The following SLC22A23 variants were observed in gnomAD, a reference collection of about 807,000 sequenced individuals.
SLC22A23 encodes solute carrier family 22 member 23, also known as ion transporter protein.
SLC22A23 carries 26 observed loss-of-function variants against 61.0 expected under a neutral mutation model. The ratio of observed to expected loss-of-function variants is 0.43; its 90% CI spans 0.31 to 0.59. The LOEUF (loss-of-function observed/expected upper bound fraction) is 0.59. Among genes scored for constraint, SLC22A23 ranks in the 20% least tolerant of loss-of-function variants. The probability of loss-of-function intolerance (pLI) is 0.11; values close to 1 mark genes in which losing one functional copy is unlikely to be tolerated. For missense variants in SLC22A23, 796 were observed against 934.7 expected (o/e 0.85, Z 1.94); for synonymous variants, 430 against 413.9 (o/e 1.04, Z -0.47).
At chr6:3,302,900 C>T (rs1399517811) in intron 4 of SLC22A23, 2 of 152,126 alleles carry the variant, frequency 1.3e-5, no homozygotes, top group Non-Finnish European at 2.9e-5. Flanking sequence ...GCAAAGGAAA[C>T]AATCAACAGA....
At position 3,270,726 on chromosome 6, in the gene SLC22A23, T is replaced by A. The variant is rs998887677; in HGVS notation, c.*2329A>T. On this transcript the variant is annotated 3_prime_UTR_variant, in exon 10 of 10. Transcript: ENST00000406686. ...CAGTGTCTTCGTTGGACCAGTTTTT[T>A]ATTGTCATTTGAGGTGGAGATCAGA... is the stretch of plus-strand genomic sequence containing the variant. 6.6e-6 allele frequency: 1 copy of A among 152,392 alleles called. No individual in the cohort carries two copies. The highest frequency in any genetic ancestry group is 1.5e-5 in the Non-Finnish European group (1 of 68,058). 9.4% of individuals were successfully genotyped at this position (152,392 alleles called of 1,614,324 possible).
Position 3,395,729 on chromosome 6 carries a change from C to T in SLC22A23, c.913+14459G>A, listed in dbSNP as rs138783048. Reference sequence around the variant, plus strand: ...ATGGCAAAATTACGCAAAAAGGCAACATGTATACTGGCATTACTCAAGTCA... The same window carrying T: ...ATGGCAAAATTACGCAAAAAGGCAATATGTATACTGGCATTACTCAAGTCA... On this transcript the variant is annotated intron_variant, in intron 3 of 9. Coordinates refer to ENST00000406686, the MANE Select transcript of SLC22A23 (RefSeq NM_015482.2). 3.5e-3 allele frequency among the ~76,000 whole-genome samples: 540 copies of T among 152,270 alleles called. 6 individuals carry two copies. Among genetic ancestry groups the T allele is most frequent in the African/African-American group, 0.012 (517 of 41,550 alleles).
intron 5 of SLC22A23, among the ~76,000 whole-genome samples, chr6:3,292,894 C>T (rs1312485140): frequency 6.6e-6 from 1 of 152,200 alleles, no homozygotes. Context: ...TCAGTGAGCC[C>T]AACATCTCCC....
At chr6:3,274,770 A>T (rs1227158135) in intron 9 of SLC22A23, among the ~76,000 whole-genome samples, 1 of 152,166 alleles carries the variant, frequency 6.6e-6, no homozygotes, top group Non-Finnish European at 1.5e-5. Context: ...AATGTTTAGA[A>T]ATAAATAACA....
rs376382226 is a variant in SLC22A23 at position 3,322,665 on chromosome 6, G to A, written c.1082+1169C>T. Among the ~76,000 whole-genome samples, 2 of 152,196 alleles carry A rather than the reference G, an allele frequency of 1.3e-5. No homozygotes were observed. The highest frequency in any genetic ancestry group is 2.1e-4 in the South Asian group (1 of 4,828). On this transcript the variant is annotated intron_variant, in intron 4 of 9. Coordinates refer to ENST00000406686, the MANE Select transcript of SLC22A23 (RefSeq NM_015482.2). The surrounding 1 kb of genome is among the most constrained non-coding windows in gnomAD (Gnocchi z 4.1). ...ACAGTGAGCAAGAACCAGGCTCTCGGGGAAACCGCACCTGCACCCTCGCAG... is the reference window on the plus strand; with the variant it reads ...ACAGTGAGCAAGAACCAGGCTCTCGAGGAAACCGCACCTGCACCCTCGCAG...
intron 3 of SLC22A23, among the ~76,000 whole-genome samples, chr6:3,349,041 T>A (rs746459344): frequency 2.6e-5 from 4 of 152,142 alleles, no homozygotes. Context: ...CCACAAAGCC[T>A]CCCCTGAGCA....
intron 3 of SLC22A23, among the ~76,000 whole-genome samples, chr6:3,383,804 G>A (rs1027952537): frequency 2.0e-5 from 3 of 152,270 alleles, no homozygotes; most frequent in Non-Finnish European, 4.4e-5. Flanking sequence ...ACGGGGCTGA[G>A]AGGGCCCCCT....
chr6:3,446,052 G>A (rs1454780743), intron 1 of SLC22A23, among the ~76,000 whole-genome samples: 3 of 152,198 alleles, frequency 2.0e-5, no homozygotes, highest in Non-Finnish European at 2.9e-5. Context: ...TGCCCAGAGA[G>A]GTGTTCTGCG....
intron 3 of SLC22A23, among the ~76,000 whole-genome samples, chr6:3,368,590 T>C (rs1765992267): frequency 6.6e-6 from 1 of 152,104 alleles, no homozygotes; most frequent in African/African-American, 2.4e-5. Flanking sequence ...GATGAAAAAC[T>C]GAAAAAGTTA....
At chr6:3,378,448 G>A (rs1192831245) in intron 3 of SLC22A23, among the ~76,000 whole-genome samples, 2 of 152,108 alleles carry the variant, frequency 1.3e-5, no homozygotes, top group African/African-American at 2.4e-5. Context: ...TGCTACTGAG[G>A]CAACAGGGTA....
rs376418504 is a variant in SLC22A23 at position 3,289,848 on chromosome 6, G to C, written c.1229C>G (p.Ser410Cys). The C allele has an allele frequency of 6.2e-7, 1 of 1,613,982 alleles. No homozygotes were observed. The highest frequency in any genetic ancestry group is 1.3e-5 in the African/African-American group (1 of 75,038). The change falls in exon 6 of 10, where the codon TCC becomes TGC. Residue 410 changes from serine to cysteine, a missense_variant. By Grantham distance (112) the Ser-to-Cys change is moderately radical. Coordinates refer to ENST00000406686, the MANE Select transcript of SLC22A23 (RefSeq NM_015482.2). ...GATGCAGACCTTCTTGGGCCTCCGG[G>C]AAAGCTCTTTCTCCAGCTCTGCAAA... ...GVIPELEKEL[S>C]RRPKKVCIVK...
At chr6:3,403,011 T>C (rs1768537019) in intron 3 of SLC22A23, among the ~76,000 whole-genome samples, 1 of 152,190 alleles carries the variant, frequency 6.6e-6, no homozygotes, top group African/African-American at 2.4e-5. Flanking sequence ...TGAGAAACAG[T>C]TGTTGACAAC....
In SLC22A23 at chr6:3,456,866, C is replaced by G. The variant is rs1772435124; in HGVS notation, c.-307G>C. The G allele has an allele frequency of 1.4e-5, 2 of 147,598 alleles. No homozygotes were observed. Among genetic ancestry groups the G allele is most frequent in the African/African-American group, 4.9e-5 (2 of 40,914 alleles). The allele number at this position is 147,598 out of a possible 1,614,324, so 9.1% of individuals were successfully genotyped here. ...GGCGCCGGCTGCCGAGCCCGCCGCT[C>G]TCCGCTGCTCCGCGCCGGACGCGGC... On this transcript the variant is annotated 5_prime_UTR_variant, in exon 1 of 10. Coordinates refer to ENST00000406686, the MANE Select transcript of SLC22A23 (RefSeq NM_015482.2). This position sits in a 1 kb window ranked among gnomAD's most constrained non-coding sequence, Gnocchi z 7.1.
intron 5 of SLC22A23, among the ~76,000 whole-genome samples, chr6:3,293,312 A>T (rs1760779139): frequency 6.6e-6 from 1 of 152,230 alleles, no homozygotes; most frequent in Non-Finnish European, 1.5e-5. Context: ...ATGAGTCATT[A>T]AAAAAGCACA....
Position 3,456,298 on chromosome 6 carries a change from G to C in SLC22A23, c.262C>G (p.Leu88Val), listed in dbSNP as rs754494830. The change falls in exon 1 of 10, where the codon CTC becomes GTC. Residue 88 changes from leucine to valine, a missense_variant. Transcript: ENST00000406686. This position sits in a 1 kb window ranked among gnomAD's most constrained non-coding sequence, Gnocchi z 7.1. ...TGATAGCCCCCGCCCAGGCCCCCGA[G>C]GAAGGGCAGCACCGACCCGTCATAG... ...LDYDGSVLPF[L>V]GGLGGGYQKT... 2 of 1,550,808 alleles carry C rather than the reference G, an allele frequency of 1.3e-6. No homozygotes were observed. The highest frequency in any genetic ancestry group is 1.7e-6 in the Non-Finnish European group (2 of 1,146,768).
At chr6:3,338,935 T>C (rs762782863) in intron 3 of SLC22A23, among the ~76,000 whole-genome samples, 25 of 151,838 alleles carry the variant, frequency 1.6e-4, no homozygotes, top group Non-Finnish European at 3.5e-4. Context: ...GCAAGAGAGG[T>C]CCAAAGGAGG....
intron 3 of SLC22A23, among the ~76,000 whole-genome samples, chr6:3,400,751 TGA>T (rs1185726517): frequency 1.3e-5 from 2 of 152,242 alleles, no homozygotes; most frequent in African/African-American, 4.8e-5. Context: ...TGTGTGTTGA[TGA>T]GAAAGAGGGT....
intron 3 of SLC22A23, among the ~76,000 whole-genome samples, chr6:3,369,118 T>G (rs1766036237): frequency 6.6e-6 from 1 of 152,114 alleles, no homozygotes; most frequent in Admixed American, 6.6e-5. Flanking sequence ...GCCCAGCTGA[T>G]AATTCCTCTA....
intron 1 of SLC22A23, among the ~76,000 whole-genome samples, chr6:3,437,744 G>T (rs1018685165): frequency 8.0e-5 from 8 of 99,974 alleles, no homozygotes; most frequent in Admixed American, 2.3e-4. Flanking sequence ...GAACTTACTA[G>T]ATTTTTTTTT....
Sources: allele counts gnomAD v4.1 joint callset (sites outside exome capture counted in the v4.1 genomes callset), GRCh38; gene constraint gnomAD v4.1.1; non-coding constraint Gnocchi (gnomAD v3.1); transcripts MANE v1.5; gene names NCBI Gene and HGNC (gene_info 2026-07-23, HGNC 2026-07-21).